LRRFIP2: variants seen among roughly 807,000 people sequenced by gnomAD.
LRRFIP2 encodes the protein leucine-rich repeat flightless-interacting protein 2.
Under a neutral mutation model 125.9 loss-of-function variants are expected in LRRFIP2, and 109 were observed. The observed-to-expected ratio is 0.87, with a 90% CI of 0.74 to 1.01. The LOEUF (loss-of-function observed/expected upper bound fraction) is 1.01. LRRFIP2 is among the 50% of genes least tolerant of loss of function. LRRFIP2 has a pLI of 0.00. For missense variants in LRRFIP2, 850 were observed against 862.3 expected, an observed-to-expected ratio of 0.99 and a Z score of 0.18; for synonymous variants, 291 against 293.1, an observed-to-expected ratio of 0.99 and a Z score of 0.07.
At chr3:37,117,377 G>T (rs1278954965) in intron 6 of LRRFIP2, among the ~76,000 whole-genome samples, 1 of 151,938 alleles carries the variant, frequency 6.6e-6, no homozygotes, top group Admixed American at 6.6e-5. Context: ...AAAAAAAAAT[G>T]TTGAATCTAT....
At chr3:37,171,443 A>C (rs756421471) in intron 1 of LRRFIP2, among the ~76,000 whole-genome samples, 1 of 151,640 alleles carries the variant, frequency 6.6e-6, no homozygotes, top group African/African-American at 2.4e-5. Context: ...TTCAGTATGT[A>C]ATTTTTTTTT....
rs576347276 is a variant in LRRFIP2 at position 37,066,210 on chromosome 3, T to A, written c.1566+14A>T. 6.2e-7 allele frequency: 1 copy of A among 1,607,486 alleles called. No homozygotes were observed. Among genetic ancestry groups the A allele is most frequent in the Non-Finnish European group, 8.5e-7 (1 of 1,173,976 alleles). ...ACAGTGAGGGACCTGAATTCCAGGC[T>A]AATGCTAACATACCTCTCCCGTCTT... On this transcript the variant is annotated intron_variant, in intron 22 of 27. Coordinates refer to ENST00000336686, the MANE Select transcript of LRRFIP2 (RefSeq NM_006309.4).
chr3:37,073,590 A>T (rs2091608513), intron 20 of LRRFIP2, among the ~76,000 whole-genome samples: 1 of 152,174 alleles, frequency 6.6e-6, no homozygotes, highest in Non-Finnish European at 1.5e-5. Context: ...TGTAATATTT[A>T]AAGTTTTTCA....
chr3:37,080,755 T>C (rs1392766041), intron 19 of LRRFIP2, among the ~76,000 whole-genome samples: 2 of 152,104 alleles, frequency 1.3e-5, no homozygotes, highest in Non-Finnish European at 2.9e-5. Context: ...CTTCAACATA[T>C]ATATTATAAG....
At chr3:37,131,157 G>A (rs1577134290) in intron 2 of LRRFIP2, among the ~76,000 whole-genome samples, 2 of 152,114 alleles carry the variant, frequency 1.3e-5, no homozygotes, top group Admixed American at 6.5e-5. Flanking sequence ...GATTGGAGGG[G>A]TGGGGACTAC....
chr3:37,062,401 T>C (rs926102534), intron 24 of LRRFIP2, among the ~76,000 whole-genome samples: 3 of 151,958 alleles, frequency 2.0e-5, no homozygotes, highest in Non-Finnish European at 4.4e-5. Flanking sequence ...ACACAGCATA[T>C]GGGAGGGGAA....
In LRRFIP2 at chr3:37,058,798, T is replaced by G. The variant is rs1045621766; in HGVS notation, c.1862A>C (p.Glu621Ala). 2 of 1,614,080 alleles carry G rather than the reference T, an allele frequency of 1.2e-6. No homozygotes were observed. The highest frequency in any genetic ancestry group is 1.7e-6 in the Non-Finnish European group (2 of 1,179,974). The change falls in exon 25 of 28, where the codon GAA (glutamate) becomes GCA (alanine). Residue 621 changes from glutamate to alanine, a missense_variant. Physicochemically the swap from Glu to Ala is moderately radical, Grantham distance 107. Coordinates refer to ENST00000336686, the MANE Select transcript of LRRFIP2 (RefSeq NM_006309.4). ...LQNGSDLQFI[E>A]MQRDANRQIS... ...TGTCCCCTGGTACCTACTCTGCATTTCGATGAACTGCAAGTCTGAGCCATT... is the reference window on the plus strand; with the variant it reads ...TGTCCCCTGGTACCTACTCTGCATTGCGATGAACTGCAAGTCTGAGCCATT...
chr3:37,128,945 C>T (rs2095356364), intron 3 of LRRFIP2, 118 bp downstream of exon 3: 1 of 884,960 alleles, frequency 1.1e-6, no homozygotes, highest in Non-Finnish European at 1.8e-6. Flanking sequence ...AAAATACATA[C>T]ATCAGTTTAT....
At position 37,148,939 on chromosome 3, in the gene LRRFIP2, G is replaced by A. The variant is rs1362335622; in HGVS notation, c.45C>T (p.Asp15=). The A allele has an allele frequency of 1.9e-6, 3 of 1,614,032 alleles. No homozygotes were observed. Among genetic ancestry groups the A allele is most frequent in the Admixed American group, 3.3e-5 (2 of 60,020 alleles). The change falls in exon 2 of 28, where the codon GAC becomes GAT. Residue 15 remains aspartate (D), a synonymous_variant. Transcript: ENST00000336686. The part of the protein sequence containing the change: ...ASGRKRTPVK[D]RFSAEDEALS... ...AAGCTTCATCTTCTGCAGAAAATCG[G>A]TCTTTCACAGGTGTTCTTTTCCTTC...
chr3:37,087,434 T>C (rs2093128619), intron 18 of LRRFIP2, among the ~76,000 whole-genome samples: 2 of 152,132 alleles, frequency 1.3e-5, no homozygotes, highest in Admixed American at 1.3e-4. Context: ...GCACAAAATA[T>C]ATAATACAAT....
intron 19 of LRRFIP2, among the ~76,000 whole-genome samples, chr3:37,076,700 C>G (rs933054578): frequency 2.3e-4 from 35 of 151,972 alleles, no homozygotes; most frequent in Non-Finnish European, 4.0e-4. Flanking sequence ...AACCCTGTCT[C>G]TACTAAAAAT....
chr3:37,070,114 CTTT>C (rs528717261), intron 21 of LRRFIP2, among the ~76,000 whole-genome samples: 13 of 136,934 alleles, frequency 9.5e-5, no homozygotes, highest in African/African-American at 1.1e-4. Flanking sequence ...TAAATTTCCT[CTTT>C]TTTTTTTTTT....
intron 6 of LRRFIP2, among the ~76,000 whole-genome samples, chr3:37,119,372 C>A (rs1189275465): frequency 6.6e-6 from 1 of 152,118 alleles, no homozygotes; most frequent in African/African-American, 2.4e-5. Context: ...GGTTTAACTG[C>A]AGATTCCTTT....
chr3:37,074,673 A>C (rs2091772299), intron 20 of LRRFIP2, among the ~76,000 whole-genome samples: 1 of 152,210 alleles, frequency 6.6e-6, no homozygotes, highest in Non-Finnish European at 1.5e-5. Flanking sequence ...GTGAAAATCA[A>C]ACTTATTCCC....
At chr3:37,058,231 T>C (rs908559428) in intron 25 of LRRFIP2, among the ~76,000 whole-genome samples, 11 of 152,320 alleles carry the variant, frequency 7.2e-5, no homozygotes, top group Admixed American at 3.9e-4. Context: ...GAAATCACTT[T>C]ATCCAGAAAG....
chr3:37,099,504 T>G (rs1576541715), intron 15 of LRRFIP2, among the ~76,000 whole-genome samples: 1 of 152,318 alleles, frequency 6.6e-6, no homozygotes, highest in East Asian at 1.9e-4. Context: ...CTTTTGTTAA[T>G]TTCTAATTTA....
intron 15 of LRRFIP2, 95 bp from the exon 16 acceptor site, chr3:37,096,755 G>T (rs2093740326): frequency 1.6e-6 from 1 of 626,152 alleles, no homozygotes; most frequent in Non-Finnish European, 2.8e-6. Context: ...CAAGTTCAAT[G>T]ATGTTTGAAG....
intron 2 of LRRFIP2, chr3:37,143,458 T>C (rs1231963493): frequency 4.8e-6 from 1 of 210,094 alleles, no homozygotes; most frequent in Non-Finnish European, 1.1e-5. Context: ...AGACAAACTG[T>C]AACACACAGT....
At chr3:37,062,917 A>C (rs1213227798) in intron 24 of LRRFIP2, among the ~76,000 whole-genome samples, 1 of 152,212 alleles carries the variant, frequency 6.6e-6, no homozygotes, top group African/African-American at 2.4e-5. Flanking sequence ...AATCACATGC[A>C]AAGAAAATCT....
Sources: allele counts gnomAD v4.1 joint callset (sites outside exome capture counted in the v4.1 genomes callset), GRCh38; gene constraint gnomAD v4.1.1; transcripts MANE v1.5; gene names NCBI Gene and HGNC (gene_info 2026-07-23, HGNC 2026-07-21).